Variants in ALDH1L2 observed in about 807,000 individuals in gnomAD.
The protein encoded by ALDH1L2 is aldehyde dehydrogenase 1 family member L2.
In ALDH1L2, 91 loss-of-function variants were observed where a neutral mutation model predicts 111.0. The observed-to-expected ratio is 0.82, with a 90% CI of 0.69 to 0.98. The LOEUF (loss-of-function observed/expected upper bound fraction) is 0.98. Among genes scored for constraint, ALDH1L2 ranks in the 50% least tolerant of loss-of-function variants. The probability of loss-of-function intolerance (pLI) is 0.00; values close to 1 mark genes in which losing one functional copy is unlikely to be tolerated. For missense variants in ALDH1L2, 995 were observed against 1,126.8 expected, an observed-to-expected ratio of 0.88 and a Z score of 1.67; for synonymous variants, 374 against 392.6, an observed-to-expected ratio of 0.95 and a Z score of 0.56.
At chr12:105,032,153 G>A (rs1289111218) in intron 19 of ALDH1L2, among the ~76,000 whole-genome samples, 4 of 149,114 alleles carry the variant, frequency 2.7e-5, no homozygotes, top group African/African-American at 9.9e-5. Context: ...GCATGGCATG[G>A]CTCACTGCAA....
At chr12:105,024,504 A>AGACCACG (rs1280638724) in intron 22 of ALDH1L2, 25 bp from the exon 23 acceptor site, 1 of 1,611,210 alleles carries the variant, frequency 6.2e-7, no homozygotes, top group Non-Finnish European at 8.5e-7. Flanking sequence ...AGCAGTTGAC[A>AGACCACG]GACCACATTC....
intron 6 of ALDH1L2, among the ~76,000 whole-genome samples, chr12:105,063,479 G>GAA (rs138765070): frequency 1.3e-4 from 18 of 143,682 alleles, no homozygotes; most frequent in East Asian, 8.2e-4. Context: ...CTGTCTCAAA[G>GAA]AAAAAAAAAA....
chr12:105,075,232 G>A (rs1877980260), intron 1 of ALDH1L2, among the ~76,000 whole-genome samples: 2 of 152,202 alleles, frequency 1.3e-5, no homozygotes, highest in African/African-American at 2.4e-5. Flanking sequence ...CTCGGCTGTC[G>A]TCTGGTTATT....
intron 10 of ALDH1L2, among the ~76,000 whole-genome samples, chr12:105,053,921 A>G (rs1280062415): frequency 6.6e-6 from 1 of 151,854 alleles, no homozygotes; most frequent in African/African-American, 2.4e-5. Flanking sequence ...GACGTATTTC[A>G]TATTATGTGC....
intron 12 of ALDH1L2, among the ~76,000 whole-genome samples, chr12:105,051,123 G>A (rs545293448): frequency 6.6e-6 from 1 of 152,270 alleles, no homozygotes; most frequent in South Asian, 2.1e-4. Flanking sequence ...TACACATCAA[G>A]TGGATATAAA....
intron 19 of ALDH1L2, 32 bp from the exon 20 acceptor site, chr12:105,031,966 T>A: frequency 6.2e-7 from 1 of 1,605,540 alleles, no homozygotes; most frequent in South Asian, 1.1e-5. Flanking sequence ...AAAACACAAT[T>A]CACTGTTAAT....
At chr12:105,064,111 G>A (rs1342229615) in intron 6 of ALDH1L2, among the ~76,000 whole-genome samples, 22 of 89,384 alleles carry the variant, frequency 2.5e-4, no homozygotes, top group African/African-American at 9.0e-4. Flanking sequence ...CCACCACACC[G>A]AGCTTTTTTT....
At chr12:105,065,220 G>T (rs752617995) in intron 6 of ALDH1L2, 47 bp downstream of exon 6, 3 of 1,163,654 alleles carry the variant, frequency 2.6e-6, no homozygotes, top group African/African-American at 1.8e-5. Flanking sequence ...CTCTTACAAA[G>T]GTAATAATCG....
intron 1 of ALDH1L2, among the ~76,000 whole-genome samples, chr12:105,080,774 C>T (rs748848172): frequency 1.3e-5 from 2 of 152,146 alleles, no homozygotes; most frequent in African/African-American, 2.4e-5. Flanking sequence ...CATGTCAGTG[C>T]TCAAAAATGT....
chr12:105,052,034 CCT>C lies in ALDH1L2; in HGVS notation c.1535+54_1535+55del, dbSNP rs1325261683. 3.5e-6 allele frequency: 5 copies of C among 1,414,342 alleles called. No individual in the cohort carries two copies. In the Admixed American group the frequency reaches 7.6e-5, roughly 21 times the overall value. 87.6% of individuals were successfully genotyped at this position (1,414,342 alleles called of 1,614,324 possible). A position where few individuals can be genotyped will look rare whatever the true frequency, so the allele number is the denominator to read the frequency against. ...ACCAGCCTGGCCAACGTAGTGAACC[CCT>C]GTCTCTACCAGAGTTACTTTTCTAA... On this transcript the variant is annotated intron_variant, in intron 12 of 22. Coordinates refer to ENST00000258494, the MANE Select transcript of ALDH1L2 (RefSeq NM_001034173.4).
At chr12:105,077,104 C>T (rs1369380856) in intron 1 of ALDH1L2, among the ~76,000 whole-genome samples, 1 of 152,176 alleles carries the variant, frequency 6.6e-6, no homozygotes, top group Non-Finnish European at 1.5e-5. Flanking sequence ...ATAGTTCCAT[C>T]AGCCTGTTTA....
intron 21 of ALDH1L2, among the ~76,000 whole-genome samples, chr12:105,027,645 C>T (rs1874482075): frequency 6.6e-6 from 1 of 152,172 alleles, no homozygotes. Context: ...ATGAAATGAA[C>T]AAATCATGCC....
chr12:105,079,396 G>A (rs2136116458), intron 1 of ALDH1L2, among the ~76,000 whole-genome samples: 2 of 152,248 alleles, frequency 1.3e-5, no homozygotes, highest in Non-Finnish European at 2.9e-5. Context: ...GGCTTTCTTG[G>A]ATGTCTGGCC....
In ALDH1L2 at chr12:105,068,957, G is replaced by A. The variant is rs1443557344; in HGVS notation, c.429-73C>T. The A allele has an allele frequency of 4.8e-6, 6 of 1,242,120 alleles. 1 individual carries two copies. The African/African-American group carries it at 6.3e-5, about 13-fold the overall frequency. The allele number at this position is 1,242,120 out of a possible 1,614,324, so 76.9% of individuals were successfully genotyped here. A position where few individuals can be genotyped will look rare whatever the true frequency, so the allele number is the denominator to read the frequency against. ...AAAGTGATGAATTAGTGATATTAAA[G>A]TATAAGATAGTTATAATGGAAAAGT... On this transcript the variant is annotated intron_variant, in intron 3 of 22. Transcript: ENST00000258494.
rs1876748839 is a variant in ALDH1L2 at position 105,058,080 on chromosome 12, A to G, written c.1280T>C (p.Val427Ala). The G allele has an allele frequency of 5.0e-6, 8 of 1,612,722 alleles. No homozygotes were observed. The highest frequency in any genetic ancestry group is 3.3e-5 in the Admixed American group (2 of 59,732). The change falls in exon 10 of 23, where the codon GTA becomes GCA. Residue 427 changes from valine to alanine, a missense_variant. Transcript: ENST00000258494. ...CATCAAGGAAAAGCTTACATAATCT[A>G]CAACCAGCTCCACCTCTTGATCTTC... ...RGEDQEVELV[V>A]DYISKEVNEI...
rs146229377 is a variant in ALDH1L2 at position 105,024,421 on chromosome 12, G to A, written c.*3C>T. 1 of 1,613,868 alleles carries A rather than the reference G, an allele frequency of 6.2e-7. No individual in the cohort carries two copies. Among genetic ancestry groups the A allele is most frequent in the Admixed American group, 1.7e-5 (1 of 60,012 alleles). On this transcript the variant is annotated 3_prime_UTR_variant, in exon 23 of 23. Coordinates refer to ENST00000258494, the MANE Select transcript of ALDH1L2 (RefSeq NM_001034173.4). Reference sequence around the variant, plus strand: ...TCAAGGCTTTCCTGATGATGGTGTTGCTCTAATATTCCAGTGTCACCGTCT... The same window carrying A: ...TCAAGGCTTTCCTGATGATGGTGTTACTCTAATATTCCAGTGTCACCGTCT...
In ALDH1L2 at chr12:105,023,806, A is replaced by C. The variant is rs1407118837; in HGVS notation, c.*618T>G. ...CTATGTGGGGGCCAGCCATCATATCATTAAATTCTCTATACTCCTCAGAAC... is the reference window on the plus strand; with the variant it reads ...CTATGTGGGGGCCAGCCATCATATCCTTAAATTCTCTATACTCCTCAGAAC... On this transcript the variant is annotated 3_prime_UTR_variant, in exon 23 of 23. Transcript: ENST00000258494. 6.6e-6 allele frequency: 1 copy of C among 152,174 alleles called. No homozygotes were observed. Among genetic ancestry groups the C allele is most frequent in the Non-Finnish European group, 1.5e-5 (1 of 68,034 alleles). 9.4% of individuals were successfully genotyped at this position (152,174 alleles called of 1,614,324 possible).
chr12:105,028,100 G>C (rs1012873708), intron 21 of ALDH1L2, among the ~76,000 whole-genome samples: 8 of 152,118 alleles, frequency 5.3e-5, no homozygotes, highest in Non-Finnish European at 1.0e-4. Flanking sequence ...GCAAATACAA[G>C]CCAGGTTGTT....
In ALDH1L2 at chr12:105,026,694, G is replaced by A; in HGVS notation, c.2567C>T (p.Ala856Val). The A allele has an allele frequency of 6.2e-7, 1 of 1,614,106 alleles. No homozygotes were observed. The highest frequency in any genetic ancestry group is 1.3e-5 in the African/African-American group (1 of 75,012). The change falls in exon 22 of 23, where the codon GCC (alanine) becomes GTC (valine). Residue 856 changes from alanine (A) to valine (V), a missense_variant. Coordinates refer to ENST00000258494, the MANE Select transcript of ALDH1L2 (RefSeq NM_001034173.4). ...TATGTCTCTTGTAAAAACCCCTGAG[G>A]CCAAACCATACTCTGTACTATTTGC... ...QRANSTEYGL[A>V]SGVFTRDINK...
Sources: allele counts gnomAD v4.1 joint callset (sites outside exome capture counted in the v4.1 genomes callset), GRCh38; gene constraint gnomAD v4.1.1; transcripts MANE v1.5; gene names NCBI Gene and HGNC (gene_info 2026-07-23, HGNC 2026-07-21).